HMCN1: variants seen among roughly 807,000 people sequenced by gnomAD.
HMCN1 encodes hemicentin 1, also known as hemicentin-1.
HMCN1 carries 321 observed loss-of-function variants against 625.9 expected under a neutral mutation model. That is an observed-to-expected ratio of 0.51 (90% CI 0.47 to 0.56). The LOEUF (loss-of-function observed/expected upper bound fraction) is 0.56, where lower values mean the gene tolerates loss of function less well. HMCN1 is among the 20% of genes least tolerant of loss of function. The pLI is 0.00. For missense variants in HMCN1, 6,588 were observed against 6,887.3 expected, an observed-to-expected ratio of 0.96 and a Z score of 1.54; for synonymous variants, 2,425 against 2,417.6, an observed-to-expected ratio of 1.00 and a Z score of -0.09.
At chr1:185,980,193 C>T (rs183845448) in intron 16 of HMCN1, among the ~76,000 whole-genome samples, 8 of 152,134 alleles carry the variant, frequency 5.3e-5, no homozygotes, top group Non-Finnish European at 8.8e-5. Flanking sequence ...TATTTCAATA[C>T]GTAAATACTC....
chr1:186,174,628 G>A lies in HMCN1; in HGVS notation c.15929G>A (p.Gly5310Glu). ...AGAGGTTATCGGTCTCAAGGAGTTGGAAGACCCTGCATGGGTAAGTTAATA... is the reference window on the plus strand; with the variant it reads ...AGAGGTTATCGGTCTCAAGGAGTTGAAAGACCCTGCATGGGTAAGTTAATA... Reference protein sequence around the residue: ...CPRGYRSQGVGRPCMDINECE... With the variant: ...CPRGYRSQGVERPCMDINECE... The change falls in exon 103 of 107, where the codon GGA becomes GAA. Residue 5310 changes from glycine to glutamate, a missense_variant. Gly to Glu is a moderately conservative substitution (Grantham distance 98). Coordinates refer to ENST00000271588, the MANE Select transcript of HMCN1 (RefSeq NM_031935.3). 6.2e-7 allele frequency: 1 copy of A among 1,613,998 alleles called. No individual in the cohort carries two copies. The highest frequency in any genetic ancestry group is 8.5e-7 in the Non-Finnish European group (1 of 1,179,912).
intron 39 of HMCN1, among the ~76,000 whole-genome samples, chr1:186,040,567 A>G (rs2102233892): frequency 6.6e-6 from 1 of 152,288 alleles, no homozygotes; most frequent in African/African-American, 2.4e-5. Context: ...TTTTAGAAAT[A>G]CAACTGAATC....
intron 97 of HMCN1, 140 bp from the exon 98 acceptor site, chr1:186,164,971 G>A (rs193172789): frequency 1.3e-6 from 1 of 757,224 alleles, no homozygotes; most frequent in East Asian, 2.6e-5. Context: ...AGTTTTCCAT[G>A]CCTGCTTATT....
At chr1:185,924,215 CTTTTTT>C (rs58164381) in intron 8 of HMCN1, among the ~76,000 whole-genome samples, 526 of 43,328 alleles carry the variant, frequency 0.012, no homozygotes, top group Middle Eastern at 0.088. Flanking sequence ...CTGACCCAAT[CTTTTTT>C]TTTTTTTTTT....
intron 29 of HMCN1, 112 bp downstream of exon 29, chr1:186,003,956 A>G: frequency 2.0e-6 from 2 of 1,024,590 alleles, no homozygotes; most frequent in South Asian, 1.4e-5. Context: ...ATATTATTAA[A>G]TGAGCATACA....
At chr1:185,845,977 A>G in intron 1 of HMCN1, 49 bp from the exon 2 acceptor site, 1 of 1,179,028 alleles carries the variant, frequency 8.5e-7, no homozygotes, top group Non-Finnish European at 1.3e-6. Context: ...GAAAGTCTTT[A>G]ATGCCATTGA....
chr1:186,119,370 AG>A (rs1661287113), intron 78 of HMCN1, 72 bp downstream of exon 78: 1 of 1,078,754 alleles, frequency 9.3e-7, no homozygotes, highest in African/African-American at 1.6e-5. Flanking sequence ...TTATTCTGAA[AG>A]GTGGTAGGTA....
chr1:186,088,018 G>A lies in HMCN1; in HGVS notation c.9445+5G>A. ...ATTTCCACCTCAATGTATATGGTGA[G>A]CATTTGCCTCTAATACAACTCTTTT... On this transcript the variant is annotated splice_donor_5th_base_variant and intron_variant, in intron 61 of 106. Coordinates refer to ENST00000271588, the MANE Select transcript of HMCN1 (RefSeq NM_031935.3). 6.2e-7 allele frequency: 1 copy of A among 1,612,734 alleles called. No individual in the cohort carries two copies. Among genetic ancestry groups the A allele is most frequent in the Non-Finnish European group, 8.5e-7 (1 of 1,179,088 alleles).
chr1:185,989,165 GC>G (rs1652220125), intron 20 of HMCN1, among the ~76,000 whole-genome samples: 1 of 151,678 alleles, frequency 6.6e-6, no homozygotes, highest in Non-Finnish European at 1.5e-5. Context: ...CTGCCACCTC[GC>G]CCGGCTAATT....
Position 186,104,025 on chromosome 1 carries a change from T to C in HMCN1, c.10770+357T>C, listed in dbSNP as rs75686239. ...ATATATATAAGGTTTCAAAGAGCAC[T>C]TTTGATCTCCAAAATGAACTAGCCG... is the stretch of plus-strand genomic sequence containing the variant. On this transcript the variant is annotated intron_variant, in intron 69 of 106. Coordinates refer to ENST00000271588, the MANE Select transcript of HMCN1 (RefSeq NM_031935.3). Among the ~76,000 whole-genome samples, 384 of 152,290 alleles carry C rather than the reference T, an allele frequency of 2.5e-3. 3 individuals are homozygous for C. Among genetic ancestry groups the C allele is most frequent in the African/African-American group, 8.9e-3 (371 of 41,566 alleles).
chr1:185,963,797 T>C lies in HMCN1; in HGVS notation c.2000T>C (p.Phe667Ser), dbSNP rs765651435. The C allele has an allele frequency of 1.2e-6, 2 of 1,609,134 alleles. No individual in the cohort carries two copies. The highest frequency in any genetic ancestry group is 2.2e-5 in the South Asian group (2 of 90,990). Residue 667 changes from phenylalanine to serine, a missense_variant, in exon 13 of 107, where the codon TTT becomes TCT. By Grantham distance (155) the Phe-to-Ser change is radical. Transcript: ENST00000271588. ...RYRMTSDGTLFIKNAAPKDAG... is the reference protein window; with the variant it reads ...RYRMTSDGTLSIKNAAPKDAG... ...AGGATGACCTCAGATGGTACCTTAT[T>C]TATCAAAAATGCAGCTCCCAAAGAT... is the stretch of plus-strand genomic sequence containing the variant.
At chr1:185,979,568 A>C (rs990469286) in intron 16 of HMCN1, among the ~76,000 whole-genome samples, 1 of 152,220 alleles carries the variant, frequency 6.6e-6, no homozygotes, top group African/African-American at 2.4e-5. Flanking sequence ...ATTTCTACAC[A>C]AATTAGCCCA....
intron 41 of HMCN1, among the ~76,000 whole-genome samples, chr1:186,046,623 A>C (rs957642431): frequency 1.3e-5 from 2 of 152,102 alleles, no homozygotes; most frequent in African/African-American, 4.8e-5. Context: ...TACAGATAAC[A>C]CATTTTAGGG....
chr1:185,940,749 T>G (rs1362683442), intron 11 of HMCN1, among the ~76,000 whole-genome samples: 1 of 152,130 alleles, frequency 6.6e-6, no homozygotes, highest in African/African-American at 2.4e-5. Flanking sequence ...TCAAGCTACA[T>G]ATTTTTCTTC....
intron 1 of HMCN1, among the ~76,000 whole-genome samples, chr1:185,772,408 C>T (rs1448682637): frequency 1.3e-5 from 2 of 152,022 alleles, no homozygotes; most frequent in African/African-American, 4.8e-5. Context: ...TCATGGAGTG[C>T]TTCATAGTAG....
At chr1:186,113,310 A>C (rs1188737364) in intron 72 of HMCN1, among the ~76,000 whole-genome samples, 2 of 152,238 alleles carry the variant, frequency 1.3e-5, no homozygotes, top group African/African-American at 4.8e-5. Flanking sequence ...TTGAGAGTAC[A>C]TATGTGCCAA....
chr1:185,866,466 A>G (rs1255270713), intron 4 of HMCN1, among the ~76,000 whole-genome samples: 1 of 138,616 alleles, frequency 7.2e-6, no homozygotes, highest in Non-Finnish European at 1.5e-5. Context: ...GTGCAGTGGC[A>G]CAATCTCAGC....
chr1:185,803,965 A>G (rs1658998109), intron 1 of HMCN1, among the ~76,000 whole-genome samples: 1 of 152,074 alleles, frequency 6.6e-6, no homozygotes, highest in Non-Finnish European at 1.5e-5. Flanking sequence ...TCTGTCAACA[A>G]AAATAAATTA....
Position 186,016,113 on chromosome 1 carries a change from C to T in HMCN1, c.5065C>T (p.Arg1689Cys), listed in dbSNP as rs771562191. ...GVPVKANDNI[R>C]IEAGGKKLEI... Reference sequence around the variant, plus strand: ...ACCTGTGAAAGCTAATGACAATATCCGCATAGAAGCTGGTGGGAAGAAACT... The same window carrying T: ...ACCTGTGAAAGCTAATGACAATATCTGCATAGAAGCTGGTGGGAAGAAACT... Residue 1689 changes from arginine to cysteine, a missense_variant, in exon 32 of 107, where the codon CGC becomes TGC. Coordinates refer to ENST00000271588, the MANE Select transcript of HMCN1 (RefSeq NM_031935.3). 43 of 1,613,228 alleles carry T rather than the reference C, an allele frequency of 2.7e-5. No homozygotes were observed. The highest frequency in any genetic ancestry group is 1.8e-4 in the South Asian group (16 of 91,068).
Sources: gnomAD v4.1 joint callset for allele counts (sites outside exome capture counted in the v4.1 genomes callset) on GRCh38, gnomAD v4.1.1 for gene constraint, MANE v1.5 for transcripts, NCBI Gene and HGNC (gene_info 2026-07-23, HGNC 2026-07-21) for gene names.